Variants in HERPUD2 observed in about 807,000 individuals in gnomAD.
HERPUD2 encodes homocysteine-responsive endoplasmic reticulum-resident ubiquitin-like domain member 2 protein.
Under a neutral mutation model 49.9 loss-of-function variants are expected in HERPUD2, and 13 were observed. The ratio of observed to expected loss-of-function variants is 0.26; its 90% CI spans 0.17 to 0.41. The LOEUF is 0.41. HERPUD2 is among the 10% of genes least tolerant of loss of function. HERPUD2 has a pLI of 1.00. For missense variants in HERPUD2, 449 were observed against 492.2 expected (o/e 0.91, Z 0.83); for synonymous variants, 172 against 171.4 (o/e 1.00, Z -0.03).
intron 5 of HERPUD2, among the ~76,000 whole-genome samples, chr7:35,649,771 T>A (rs1318541408): frequency 6.6e-6 from 1 of 152,222 alleles, no homozygotes; most frequent in Admixed American, 6.5e-5. Flanking sequence ...TAGATAAAGC[T>A]CCAGGTAGCA....
intron 6 of HERPUD2, among the ~76,000 whole-genome samples, chr7:35,636,933 G>C (rs1459552081): frequency 6.6e-6 from 1 of 152,128 alleles, no homozygotes; most frequent in Non-Finnish European, 1.5e-5. Flanking sequence ...AGGAGTTCAA[G>C]ATCAGCCTGG....
At chr7:35,660,651 T>G (rs1785395811) in intron 5 of HERPUD2, among the ~76,000 whole-genome samples, 2 of 152,252 alleles carry the variant, frequency 1.3e-5, no homozygotes, top group African/African-American at 4.8e-5. Context: ...TTTTTTCATG[T>G]GTCTATTGGC....
intron 5 of HERPUD2, among the ~76,000 whole-genome samples, chr7:35,649,435 C>T (rs1785118806): frequency 2.0e-5 from 3 of 151,922 alleles, no homozygotes; most frequent in Admixed American, 6.6e-5. Flanking sequence ...AAGTGTGAAA[C>T]GGTGTAAAAT....
intron 5 of HERPUD2, among the ~76,000 whole-genome samples, chr7:35,657,934 G>GA (rs1246372759): frequency 1.3e-5 from 2 of 149,356 alleles, no homozygotes; most frequent in Admixed American, 6.7e-5. Flanking sequence ...AAAAAAAAAA[G>GA]AAAAAAACCA....
At chr7:35,666,116 A>C (rs1202230145) in intron 5 of HERPUD2, among the ~76,000 whole-genome samples, 1 of 152,236 alleles carries the variant, frequency 6.6e-6, no homozygotes, top group African/African-American at 2.4e-5. Context: ...AATTACTGTC[A>C]TAAGACAAAG....
rs1045536467 is a variant in HERPUD2, at chr7:35,638,616, C to T, written c.495-144G>A. On this transcript the variant is annotated intron_variant, in intron 5 of 8. Coordinates refer to ENST00000311350, the MANE Select transcript of HERPUD2 (RefSeq NM_022373.5). ...AGAAAAATACTTACTTTCAACGATT[C>T]TTCAAATAAGACAATATGTCTTACA... is the stretch of plus-strand genomic sequence containing the variant. 8.7e-6 allele frequency: 7 copies of T among 807,862 alleles called. No individual in the cohort carries two copies. The African/African-American group carries it at 1.2e-4, about 14-fold the overall frequency. 50.0% of individuals were successfully genotyped at this position (807,862 alleles called of 1,614,324 possible). A position where few individuals can be genotyped will look rare whatever the true frequency, so the allele number is the denominator to read the frequency against.
chr7:35,637,885 A>G (rs1784896636), intron 6 of HERPUD2, among the ~76,000 whole-genome samples: 1 of 152,202 alleles, frequency 6.6e-6, no homozygotes, highest in Non-Finnish European at 1.5e-5. Flanking sequence ...ATGCAGAATG[A>G]GTTGAGGAGA....
At chr7:35,656,514 C>A (rs1180641955) in intron 5 of HERPUD2, among the ~76,000 whole-genome samples, 3 of 151,998 alleles carry the variant, frequency 2.0e-5, no homozygotes, top group Non-Finnish European at 4.4e-5. Context: ...TGAAAGTAAT[C>A]CTGAACAAAA....
chr7:35,658,627 T>C (rs1785335577), intron 5 of HERPUD2, among the ~76,000 whole-genome samples: 2 of 151,922 alleles, frequency 1.3e-5, no homozygotes, highest in African/African-American at 2.4e-5. Flanking sequence ...AAACAGACAA[T>C]ATAGATGGGT....
Position 35,645,785 on chromosome 7 carries a change from C to T in HERPUD2, c.495-7313G>A, listed in dbSNP as rs985045473. Among the ~76,000 whole-genome samples, 36 of 152,124 alleles carry T rather than the reference C, an allele frequency of 2.4e-4. 1 individual carries two copies. Among genetic ancestry groups the T allele is most frequent in the South Asian group, 2.1e-4 (1 of 4,818 alleles). On this transcript the variant is annotated intron_variant, in intron 5 of 8. Transcript: ENST00000311350. ...AAATAAACACACATATACACATGCA[C>T]GCACATACACACATACTTGTGTAAG... is the stretch of plus-strand genomic sequence containing the variant.
At chr7:35,659,048 A>T (rs1400841527) in intron 5 of HERPUD2, among the ~76,000 whole-genome samples, 1 of 152,240 alleles carries the variant, frequency 6.6e-6, no homozygotes, top group African/African-American at 2.4e-5. Flanking sequence ...TGAGAACGCT[A>T]ACCTACATGG....
intron 5 of HERPUD2, among the ~76,000 whole-genome samples, chr7:35,664,351 T>C (rs1485884310): frequency 1.3e-5 from 2 of 152,348 alleles, no homozygotes; most frequent in Non-Finnish European, 2.9e-5. Flanking sequence ...CTTTGGTGAA[T>C]CTGACAATTA....
At position 35,633,864 on chromosome 7, in the gene HERPUD2, A is replaced by T. The variant is rs1583532691; in HGVS notation, c.1060-13T>A. On this transcript the variant is annotated splice_polypyrimidine_tract_variant and intron_variant, in intron 8 of 8. Transcript: ENST00000311350. Reference sequence around the variant, plus strand: ...CCATAAGACGCTCCTTTCAAGCAAAACAAGAAAGATACTCCTGAGTGATAT... The same window carrying T: ...CCATAAGACGCTCCTTTCAAGCAAATCAAGAAAGATACTCCTGAGTGATAT... The T allele has an allele frequency of 6.2e-7, 1 of 1,610,866 alleles. No individual in the cohort carries two copies. The highest frequency in any genetic ancestry group is 2.2e-5 in the East Asian group (1 of 44,830).
intron 2 of HERPUD2, among the ~76,000 whole-genome samples, chr7:35,688,343 T>C (rs1006388795): frequency 1.3e-5 from 2 of 152,234 alleles, no homozygotes; most frequent in Admixed American, 1.3e-4. Context: ...TAAGCAAAAC[T>C]GTACCTACAG....
chr7:35,636,825 T>C (rs1335122823), intron 6 of HERPUD2, among the ~76,000 whole-genome samples: 7 of 152,072 alleles, frequency 4.6e-5, no homozygotes, highest in Non-Finnish European at 1.5e-5. Flanking sequence ...CTTAATTATG[T>C]GTTAAGAAAT....
In HERPUD2 at chr7:35,637,065, G is replaced by A. The variant is rs149824292; in HGVS notation, c.617+1285C>T. 7.0e-3 allele frequency among the ~76,000 whole-genome samples: 1,065 copies of A among 151,974 alleles called. 11 individuals carry two copies. Among genetic ancestry groups the A allele is most frequent in the African/African-American group, 0.024 (989 of 41,420 alleles). On this transcript the variant is annotated intron_variant, in intron 6 of 8. Transcript: ENST00000311350. ...CAAGAATCGCTTGAACCCGGGAGGC[G>A]GAGGTTGCAGTGAACCAAGATTATG...
At chr7:35,681,464 T>G (rs1354177955) in intron 2 of HERPUD2, among the ~76,000 whole-genome samples, 1 of 152,192 alleles carries the variant, frequency 6.6e-6, no homozygotes, top group African/African-American at 2.4e-5. Context: ...CCAGTTCCAT[T>G]GCTAGGTACA....
intron 2 of HERPUD2, among the ~76,000 whole-genome samples, chr7:35,677,328 C>A (rs1325228344): frequency 2.0e-5 from 3 of 152,178 alleles, no homozygotes; most frequent in Non-Finnish European, 4.4e-5. Context: ...TTAACAAATG[C>A]ACAATCCTCC....
intron 5 of HERPUD2, among the ~76,000 whole-genome samples, chr7:35,663,394 G>T (rs12530868): frequency 0.13 from 19,452 of 152,198 alleles, 1,516 homozygotes; most frequent in East Asian, 0.25. Context: ...TTGGAGTGGA[G>T]AGTTCTGCAG....
Sources: allele counts gnomAD v4.1 joint callset (sites outside exome capture counted in the v4.1 genomes callset), GRCh38; gene constraint gnomAD v4.1.1; transcripts MANE v1.5; gene names NCBI Gene and HGNC (gene_info 2026-07-23, HGNC 2026-07-21).